Variants in RNFT2 observed in about 807,000 individuals in gnomAD.
RNFT2 encodes the protein ring finger protein, transmembrane 2.
In RNFT2, 36 loss-of-function variants were observed where a neutral mutation model predicts 53.0. The ratio of observed to expected loss-of-function variants is 0.68; its 90% CI spans 0.52 to 0.90. The LOEUF (loss-of-function observed/expected upper bound fraction) is 0.90. Among genes scored for constraint, RNFT2 ranks in the 40% least tolerant of loss-of-function variants. RNFT2 has a pLI of 0.00. For missense variants in RNFT2, 514 were observed against 585.6 expected (o/e 0.88, Z 1.26); for synonymous variants, 260 against 253.2 (o/e 1.03, Z -0.26).
chr12:116,779,388 T>C (rs1410654554), intron 7 of RNFT2, 40 bp downstream of exon 7: 1 of 1,610,194 alleles, frequency 6.2e-7, no homozygotes, highest in South Asian at 1.1e-5. Context: ...CCCAGTCACA[T>C]GGATCATGCA....
chr12:116,774,177 A>AC (rs1873320183), intron 6 of RNFT2, among the ~76,000 whole-genome samples: 1 of 152,220 alleles, frequency 6.6e-6, no homozygotes, highest in Non-Finnish European at 1.5e-5. Flanking sequence ...ATGGGTACAG[A>AC]GTCTCAGCTT....
intron 3 of RNFT2, among the ~76,000 whole-genome samples, chr12:116,745,397 A>T (rs565860287): frequency 8.6e-5 from 13 of 151,326 alleles, no homozygotes; most frequent in African/African-American, 2.9e-4. Context: ...CTGGTCTCAA[A>T]CTCCTGGCCT....
rs1877936822 is a variant in RNFT2, at chr12:116,851,757, A to C, written c.*2309A>C. The C allele has an allele frequency of 1.3e-6, 1 of 759,884 alleles. No homozygotes were observed. The allele number at this position is 759,884 out of a possible 1,614,324, so 47.1% of individuals were successfully genotyped here. A position where few individuals can be genotyped will look rare whatever the true frequency, so the allele number is the denominator to read the frequency against. ...GAGACTCTGTCTAAAAAAAAAAAGA[A>C]AGAAAGAAGGGAGGGAGGGAGGAAG... On this transcript the variant is annotated 3_prime_UTR_variant, in exon 11 of 11. Coordinates refer to ENST00000257575, the MANE Select transcript of RNFT2 (RefSeq NM_001382266.1).
rs1359076471 is a variant in RNFT2, at chr12:116,837,152, A to T, written c.1200+870A>T. On this transcript the variant is annotated intron_variant, in intron 10 of 10. Coordinates refer to ENST00000257575, the MANE Select transcript of RNFT2 (RefSeq NM_001382266.1). ...TGGCCGGTTCCTTTTAAATCCCTAAATGCATCCCTCCTCCTCCTCCTGACA... is the reference window on the plus strand; with the variant it reads ...TGGCCGGTTCCTTTTAAATCCCTAATTGCATCCCTCCTCCTCCTCCTGACA... 3.3e-5 allele frequency among the ~76,000 whole-genome samples: 5 copies of T among 152,180 alleles called. No individual in the cohort carries two copies. In the East Asian group the frequency reaches 9.7e-4, roughly 29 times the overall value.
intron 3 of RNFT2, among the ~76,000 whole-genome samples, chr12:116,741,921 G>T (rs1014730261): frequency 2.6e-5 from 4 of 152,074 alleles, no homozygotes; most frequent in African/African-American, 4.8e-5. Flanking sequence ...AAAGCCCTGG[G>T]ATTATAGGTG....
intron 7 of RNFT2, among the ~76,000 whole-genome samples, chr12:116,786,403 G>T (rs1039122320): frequency 6.6e-6 from 1 of 152,080 alleles, no homozygotes; most frequent in African/African-American, 2.4e-5. Flanking sequence ...GAGCCACCGC[G>T]CCCGGCCGAG....
chr12:116,787,705 G>T (rs1873999339), intron 7 of RNFT2, among the ~76,000 whole-genome samples: 1 of 126,966 alleles, frequency 7.9e-6, no homozygotes, highest in South Asian at 2.8e-4. Context: ...AGAGGGACAT[G>T]TTGTCTCTAA....
intron 7 of RNFT2, among the ~76,000 whole-genome samples, chr12:116,800,684 C>T (rs1463948223): frequency 2.7e-5 from 4 of 150,122 alleles, no homozygotes; most frequent in East Asian, 3.9e-4. Context: ...CACTGTGGTG[C>T]GTGCCTGTAA....
At chr12:116,750,908 A>ATATTTTTTTTT (rs869162316) in intron 4 of RNFT2, among the ~76,000 whole-genome samples, 1 of 70,026 alleles carries the variant, frequency 1.4e-5, no homozygotes, top group Non-Finnish European at 2.9e-5. Context: ...ATATATATAT[A>ATATTTTTTTTT]TTTTTTTTTG....
At chr12:116,791,344 C>T (rs1436700879) in intron 7 of RNFT2, among the ~76,000 whole-genome samples, 1 of 152,166 alleles carries the variant, frequency 6.6e-6, no homozygotes, top group Non-Finnish European at 1.5e-5. Context: ...GGAGTCTCAC[C>T]GTGTTGCCCA....
At position 116,740,475 on chromosome 12, in the gene RNFT2, G is replaced by A. The variant is rs371010925; in HGVS notation, c.-23G>A. On this transcript the variant is annotated 5_prime_UTR_variant, in exon 2 of 11. Coordinates refer to ENST00000257575, the MANE Select transcript of RNFT2 (RefSeq NM_001382266.1). ...TTCCCGAATGCCTACCTCCAGTGTC[G>A]TCAACATGGAGTTCTGAAGTCCATG... The A allele has an allele frequency of 2.2e-5, 35 of 1,568,742 alleles. No homozygotes were observed. The highest frequency in any genetic ancestry group is 7.0e-5 in the South Asian group (6 of 85,208).
At position 116,770,438 on chromosome 12, in the gene RNFT2, A is replaced by T. The variant is rs529618212; in HGVS notation, c.728+3524A>T. On this transcript the variant is annotated intron_variant, in intron 6 of 10. Coordinates refer to ENST00000257575, the MANE Select transcript of RNFT2 (RefSeq NM_001382266.1). Reference sequence around the variant, plus strand: ...CACACAAGGACCAGGTCACCTAAGGATGTGTTTCTCAGAACATGTCCCAGT... The same window carrying T: ...CACACAAGGACCAGGTCACCTAAGGTTGTGTTTCTCAGAACATGTCCCAGT... Among the ~76,000 whole-genome samples, 7 of 152,288 alleles carry T rather than the reference A, an allele frequency of 4.6e-5. No individual in the cohort carries two copies. The South Asian group carries it at 1.2e-3, about 27-fold the overall frequency.
intron 7 of RNFT2, among the ~76,000 whole-genome samples, chr12:116,803,411 T>C (rs6490093): frequency 0.92 from 140,546 of 152,266 alleles, 64,911 homozygotes; most frequent in East Asian, 0.94. Context: ...TAATATATAA[T>C]GGGGATCTCC....
chr12:116,844,827 G>A (rs1197137340), intron 10 of RNFT2, among the ~76,000 whole-genome samples: 1 of 152,162 alleles, frequency 6.6e-6, no homozygotes, highest in African/African-American at 2.4e-5. Flanking sequence ...ATTCTCCTAT[G>A]TAAGTACCTC....
At chr12:116,823,996 CT>C (rs1876193799) in intron 7 of RNFT2, among the ~76,000 whole-genome samples, 1 of 152,162 alleles carries the variant, frequency 6.6e-6, no homozygotes, top group African/African-American at 2.4e-5. Context: ...TTCAGGTCAT[CT>C]GACTCCCAAG....
rs958309824 is a variant in RNFT2 at position 116,812,832 on chromosome 12, C to T, written c.883-20960C>T. On this transcript the variant is annotated intron_variant, in intron 7 of 10. Coordinates refer to ENST00000257575, the MANE Select transcript of RNFT2 (RefSeq NM_001382266.1). ...TACAGGTGTGAGCCACTGCGCCTGG[C>T]TAGGGCTGTTCCTATCTTAGGAGGA... Among the ~76,000 whole-genome samples, 3 of 151,776 alleles carry T rather than the reference C, an allele frequency of 2.0e-5. No homozygotes were observed. In the South Asian group the frequency reaches 6.2e-4, roughly 32 times the overall value.
intron 7 of RNFT2, among the ~76,000 whole-genome samples, chr12:116,827,231 A>AG (rs1555209203): frequency 2.0e-5 from 3 of 147,648 alleles, no homozygotes; most frequent in Non-Finnish European, 3.0e-5. Flanking sequence ...AAAAAAAAAA[A>AG]AAAGAAAGAA....
chr12:116,774,239 A>G (rs1487167662), intron 6 of RNFT2, among the ~76,000 whole-genome samples: 3 of 152,334 alleles, frequency 2.0e-5, no homozygotes, highest in South Asian at 2.1e-4. Context: ...TTATGCAACA[A>G]TGTGAATGTA....
chr12:116,766,886 A>T lies in RNFT2; in HGVS notation c.700A>T (p.Thr234Ser), dbSNP rs139371729. 2.8e-4 allele frequency: 450 copies of T among 1,591,510 alleles called. 1 individual carries two copies. The highest frequency in any genetic ancestry group is 4.8e-4 in the Admixed American group (27 of 56,456). The change falls in exon 6 of 11, where the codon ACA (threonine) becomes TCA (serine). Residue 234 changes from threonine (T) to serine (S), a missense_variant. Physicochemically the swap from Thr to Ser is moderately conservative, Grantham distance 58. Around this residue, in one of 3 missense-constraint regions of RNFT2, gnomAD observed 273 missense variants for 334.4 expected, o/e 0.82. Transcript: ENST00000257575. The part of the protein sequence containing the change: ...LAGNTLYVLY[T>S]FSSQQLYNSL... ...GGGGAACACCCTCTATGTGCTTTAT[A>T]CATTCAGCTCCCAGCAGCTGTACAA...
Sources: gnomAD v4.1 joint callset for allele counts (sites outside exome capture counted in the v4.1 genomes callset) on GRCh38, gnomAD v4.1.1 for gene constraint, gnomAD v4.1.1 regional missense constraint, MANE v1.5 for transcripts, NCBI Gene and HGNC (gene_info 2026-07-23, HGNC 2026-07-21) for gene names.